The following BLTP1 variants were observed in gnomAD, a reference collection of about 807,000 sequenced individuals.
BLTP1 encodes bridge-like lipid transfer protein family member 1, also known as fragile site-associated protein.
the BLTP1 span, chr4:122,189,417 C>G: frequency 1.1e-5 from 11 of 982,656 alleles, no homozygotes; most frequent in African/African-American, 1.8e-5. Context: ...AGTTAGAGTT[C>G]ACGATGTTTG....
At chr4:122,325,941 T>C in the BLTP1 span, 9 of 803,384 alleles carry the variant, frequency 1.1e-5, no homozygotes, top group Non-Finnish European at 1.6e-5. Context: ...ACAATATAAA[T>C]TTTGCTTTAA....
chr4:122,262,148 T>TTGTGTGTGTGTGTG, the BLTP1 span, among the ~76,000 whole-genome samples: 1,706 of 133,456 alleles, frequency 0.013, 21 homozygotes, highest in Admixed American at 0.026. Flanking sequence ...TACAGATCCT[T>TTGTGTGTGTGTGTG]TGTGTGTGTG....
At chr4:122,271,450 G>T in the BLTP1 span, 1 of 1,613,630 alleles carries the variant, frequency 6.2e-7, no homozygotes, top group South Asian at 1.1e-5. Context: ...AGAACAAACG[G>T]ACCAACAATG....
At chr4:122,302,877 T>C in the BLTP1 span, among the ~76,000 whole-genome samples, 6,074 of 152,236 alleles carry the variant, frequency 0.04, 167 homozygotes, top group East Asian at 0.14. Context: ...CTATGAAGGC[T>C]GGGAGAGGTG....
At chr4:122,223,024 C>T in the BLTP1 span, 102 of 873,624 alleles carry the variant, frequency 1.2e-4, no homozygotes, top group Non-Finnish European at 1.3e-4. Context: ...TGAGTCTCAG[C>T]GTCAGAAGAT....
chr4:122,339,588 G>T, the BLTP1 span, among the ~76,000 whole-genome samples: 13 of 152,068 alleles, frequency 8.5e-5, no homozygotes, highest in African/African-American at 3.1e-4. Flanking sequence ...TGTGTTATTT[G>T]AACTTGAGTT....
the BLTP1 span, among the ~76,000 whole-genome samples, chr4:122,179,539 AC>A: frequency 6.6e-6 from 1 of 152,034 alleles, no homozygotes; most frequent in Non-Finnish European, 1.5e-5. Context: ...CTAGCCTTCT[AC>A]CATCCTCAGG....
the BLTP1 span, among the ~76,000 whole-genome samples, chr4:122,267,123 A>G: frequency 7.8e-6 from 1 of 127,624 alleles, no homozygotes; most frequent in South Asian, 2.4e-4. Flanking sequence ...CAGTGGCGCA[A>G]TCTCGGCTTA....
At chr4:122,200,648 A>T in the BLTP1 span, 3 of 984,980 alleles carry the variant, frequency 3.0e-6, no homozygotes, top group Non-Finnish European at 3.6e-6. Flanking sequence ...GACAGTACGC[A>T]TCACACTCTA....
At chr4:122,165,839 T>C in the BLTP1 span, among the ~76,000 whole-genome samples, 2 of 149,124 alleles carry the variant, frequency 1.3e-5, no homozygotes, top group East Asian at 4.0e-4. Flanking sequence ...ATGAGCATTT[T>C]TTCATGTGTC....
the BLTP1 span, among the ~76,000 whole-genome samples, chr4:122,206,891 A>T: frequency 2.0e-5 from 3 of 151,614 alleles, no homozygotes; most frequent in Non-Finnish European, 3.0e-5. Context: ...ATTAATATAT[A>T]AAATTTCTCT....
At chr4:122,209,006 A>ATT in the BLTP1 span, 2 of 550,388 alleles carry the variant, frequency 3.6e-6, no homozygotes, top group Non-Finnish European at 4.6e-6. Context: ...AAAAAAAAAG[A>ATT]TAAATAATAC....
At chr4:122,271,444 C>T in the BLTP1 span, 1 of 1,613,682 alleles carries the variant, frequency 6.2e-7, no homozygotes, top group Non-Finnish European at 8.5e-7. Flanking sequence ...ATGCAAAGAA[C>T]AAACGGACCA....
At chr4:122,224,513 G>A in the BLTP1 span, 1 of 1,612,472 alleles carries the variant, frequency 6.2e-7, no homozygotes, top group Non-Finnish European at 8.5e-7. Flanking sequence ...ACCCCCTGTG[G>A]ATGAAGTACT....
the BLTP1 span, chr4:122,183,045 A>T: frequency 1.0e-6 from 1 of 984,736 alleles, no homozygotes; most frequent in Non-Finnish European, 1.2e-6. Flanking sequence ...TCAAAAAGAA[A>T]AAAAGCTGGG....
the BLTP1 span, chr4:122,192,462 T>C: frequency 1.1e-6 from 1 of 920,174 alleles, no homozygotes; most frequent in East Asian, 2.7e-5. Context: ...AGCTTAAAAT[T>C]TTTATAAACT....
At chr4:122,335,772 AAG>A in the BLTP1 span, among the ~76,000 whole-genome samples, 4 of 152,268 alleles carry the variant, frequency 2.6e-5, 1 homozygote, top group South Asian at 8.3e-4. Context: ...GGTAAAAGGA[AAG>A]AGAAATGGCA....
chr4:122,173,389 AG>A, the BLTP1 span, among the ~76,000 whole-genome samples: 1 of 152,108 alleles, frequency 6.6e-6, no homozygotes, highest in African/African-American at 2.4e-5. Context: ...TCACATGGTG[AG>A]GGGGCTGAGC....
chr4:122,348,980 CTTCA>C, the BLTP1 span: 1 of 581,442 alleles, frequency 1.7e-6, no homozygotes, highest in Non-Finnish European at 2.8e-6. Context: ...AGGAGTAAAG[CTTCA>C]TTATCAATGT....
Sources: gnomAD v4.1 joint callset for allele counts (sites outside exome capture counted in the v4.1 genomes callset) on GRCh38, gnomAD v4.1.1 for gene constraint, MANE v1.5 for transcripts, NCBI Gene and HGNC (gene_info 2026-07-23, HGNC 2026-07-21) for gene names.